The following KAT7 variants were observed in gnomAD, a reference collection of about 807,000 sequenced individuals.
The protein encoded by KAT7 is histone acetyltransferase KAT7.
In KAT7, 10 loss-of-function variants were observed where a neutral mutation model predicts 82.1. The observed-to-expected ratio is 0.12, with a 90% CI of 0.08 to 0.21. The LOEUF (loss-of-function observed/expected upper bound fraction) is 0.21. Among genes scored for constraint, KAT7 ranks in the 10% least tolerant of loss-of-function variants. The pLI is 1.00. For missense variants in KAT7, 378 were observed against 760.9 expected, an observed-to-expected ratio of 0.50 and a Z score of 5.92; for synonymous variants, 250 against 262.5, an observed-to-expected ratio of 0.95 and a Z score of 0.46.
At chr17:49,795,145 T>C (rs558851898) in intron 2 of KAT7, among the ~76,000 whole-genome samples, 31 of 152,316 alleles carry the variant, frequency 2.0e-4, no homozygotes, top group African/African-American at 7.0e-4. Context: ...GAGAGGATTT[T>C]GACTGTTCTC....
rs200329412 is a variant in KAT7 at position 49,811,500 on chromosome 17, T to C, written c.778T>C (p.Tyr260His). Residue 260 changes from tyrosine (Y) to histidine (H), a missense_variant, in exon 7 of 15, where the codon TAT (tyrosine) becomes CAT (histidine). Physicochemically the swap from Tyr to His is moderately conservative, Grantham distance 83. This residue lies in a region of KAT7 where 102 missense variants were observed against 129.8 expected (regional missense o/e 0.79). Transcript: ENST00000259021. ...HQAPTERQLR[Y>H]KEKVAELRKK... The stretch of plus-strand genomic sequence containing the variant: ...GGCACCAACGGAGAGACAGCTTCGA[T>C]ATAAGGAAAAAGTGGCTGAACTCAG... 3.9e-6 allele frequency: 6 copies of C among 1,545,948 alleles called. No individual in the cohort carries two copies. Among genetic ancestry groups the C allele is most frequent in the Non-Finnish European group, 8.7e-7 (1 of 1,142,896 alleles).
At chr17:49,791,318 C>T (rs2073885618) in intron 1 of KAT7, among the ~76,000 whole-genome samples, 1 of 152,188 alleles carries the variant, frequency 6.6e-6, no homozygotes, top group Non-Finnish European at 1.5e-5. Flanking sequence ...TGATATTGAT[C>T]TCCAAATGGT....
intron 6 of KAT7, among the ~76,000 whole-genome samples, chr17:49,811,199 C>T (rs1257204181): frequency 1.3e-5 from 2 of 151,742 alleles, no homozygotes; most frequent in African/African-American, 4.8e-5. Flanking sequence ...CTCTGCCTCC[C>T]AGGTTCAGGT....
chr17:49,822,255 TCTCA>T (rs1274119155), intron 11 of KAT7, among the ~76,000 whole-genome samples: 5 of 151,230 alleles, frequency 3.3e-5, no homozygotes, highest in African/African-American at 1.2e-4. Flanking sequence ...TCTGACAGAG[TCTCA>T]CTCTGTTGCC....
chr17:49,816,687 G>A (rs2074239097), intron 8 of KAT7, among the ~76,000 whole-genome samples: 2 of 152,112 alleles, frequency 1.3e-5, no homozygotes, highest in Non-Finnish European at 2.9e-5. Flanking sequence ...ACTGCTGCTG[G>A]TTTTCTCTAT....
At chr17:49,812,589 A>T (rs1436331677) in intron 7 of KAT7, among the ~76,000 whole-genome samples, 1 of 152,182 alleles carries the variant, frequency 6.6e-6, no homozygotes, top group African/African-American at 2.4e-5. Flanking sequence ...ACTACTGAAA[A>T]TACCAAAAAT....
intron 1 of KAT7, 115 bp downstream of exon 1, chr17:49,788,964 T>C (rs1230740827): frequency 2.1e-6 from 2 of 971,236 alleles, no homozygotes; most frequent in East Asian, 6.2e-5. Flanking sequence ...CCCCCGAACC[T>C]TGTTCAGCTA....
chr17:49,828,745 T>G lies in KAT7; in HGVS notation c.*1243T>G, dbSNP rs1394307446. 1 of 153,194 alleles carries G rather than the reference T, an allele frequency of 6.5e-6. No homozygotes were observed. Among genetic ancestry groups the G allele is most frequent in the African/African-American group, 2.4e-5 (1 of 41,462 alleles). 9.5% of individuals were successfully genotyped at this position (153,194 alleles called of 1,614,324 possible). On this transcript the variant is annotated 3_prime_UTR_variant, in exon 15 of 15. Transcript: ENST00000259021. ...CTCTAGCCCATTATAACCTGCTATC[T>G]TGGGGCAACTTTTGATGTATGACAT...
chr17:49,791,495 T>C (rs956624872), intron 1 of KAT7, among the ~76,000 whole-genome samples: 1 of 152,108 alleles, frequency 6.6e-6, no homozygotes, highest in African/African-American at 2.4e-5. Context: ...CCGTCTCTAC[T>C]AAAAATACAA....
intron 2 of KAT7, among the ~76,000 whole-genome samples, chr17:49,792,801 G>T (rs1340128168): frequency 2.0e-5 from 3 of 152,116 alleles, no homozygotes; most frequent in Non-Finnish European, 4.4e-5. Context: ...GGTAGGTTAG[G>T]TGTATAGCGG....
intron 3 of KAT7, among the ~76,000 whole-genome samples, chr17:49,798,022 T>C (rs1371309893): frequency 2.0e-5 from 3 of 152,264 alleles, no homozygotes; most frequent in Admixed American, 6.5e-5. Context: ...GGGATAGTAA[T>C]GTTTTAAAAA....
intron 1 of KAT7, 117 bp downstream of exon 1, chr17:49,788,966 G>A (rs2073845342): frequency 1.0e-6 from 1 of 957,124 alleles, no homozygotes; most frequent in Non-Finnish European, 1.5e-6. Context: ...CCCGAACCTT[G>A]TTCAGCTACC....
At chr17:49,825,922 C>G in intron 12 of KAT7, 78 bp from the exon 13 acceptor site, 1 of 1,457,596 alleles carries the variant, frequency 6.9e-7, no homozygotes, top group Non-Finnish European at 9.3e-7. Context: ...AAACCTTCTT[C>G]CATGTTGGCA....
intron 8 of KAT7, among the ~76,000 whole-genome samples, chr17:49,816,914 C>T (rs2074241944): frequency 6.6e-6 from 1 of 151,930 alleles, no homozygotes; most frequent in African/African-American, 2.4e-5. Flanking sequence ...AGTGCTCAAG[C>T]GATTCTCCCA....
At chr17:49,821,461 GT>G (rs771430978) in intron 10 of KAT7, 35 bp downstream of exon 10, 1 of 1,578,108 alleles carries the variant, frequency 6.3e-7, no homozygotes, top group South Asian at 1.1e-5. Context: ...GAGTTGAAAT[GT>G]TGTATATTCA....
rs552147161 is a variant in KAT7, at chr17:49,827,493, G to C, written c.1827G>C (p.Lys609Asn). Residue 609 changes from lysine to asparagine, a missense_variant, in exon 15 of 15, where the codon AAG (lysine) becomes AAC (asparagine). Around this residue, in one of 6 missense-constraint regions of KAT7, gnomAD observed 44 missense variants for 102.2 expected, o/e 0.43. Coordinates refer to ENST00000259021, the MANE Select transcript of KAT7 (RefSeq NM_007067.5). ...GCTGCTTAAAATGGACCCCTCCCAAGGGCACTTAAAGTGACCTGTCATTCC... is the reference window on the plus strand; with the variant it reads ...GCTGCTTAAAATGGACCCCTCCCAACGGCACTTAAAGTGACCTGTCATTCC... ...DPSCLKWTPP[K>N]GT 62 of 1,607,738 alleles carry C rather than the reference G, an allele frequency of 3.9e-5. No individual in the cohort carries two copies. Among genetic ancestry groups the C allele is most frequent in the Admixed American group, 2.5e-4 (15 of 60,010 alleles).
chr17:49,793,313 G>T (rs2073913518), intron 2 of KAT7, among the ~76,000 whole-genome samples: 1 of 152,138 alleles, frequency 6.6e-6, no homozygotes, highest in African/African-American at 2.4e-5. Flanking sequence ...TATCAGTGTG[G>T]AAATAATGGA....
Position 49,819,763 on chromosome 17 carries a change from G to A in KAT7, c.1156-1574G>A, listed in dbSNP as rs2074279169. ...TTCCTTTGGCTTGGCTTCTGTTTCT[G>A]AACAAATAATAATTGTTACATGAGT... is the stretch of plus-strand genomic sequence containing the variant. On this transcript the variant is annotated intron_variant, in intron 9 of 14. Coordinates refer to ENST00000259021, the MANE Select transcript of KAT7 (RefSeq NM_007067.5). 2.0e-5 allele frequency among the ~76,000 whole-genome samples: 3 copies of A among 152,218 alleles called. No individual in the cohort carries two copies. In the South Asian group the frequency reaches 6.2e-4, roughly 32 times the overall value.
chr17:49,813,645 T>C (rs2074198187), intron 7 of KAT7, among the ~76,000 whole-genome samples: 1 of 152,216 alleles, frequency 6.6e-6, no homozygotes, highest in African/African-American at 2.4e-5. Flanking sequence ...CTTGTCATTA[T>C]TTCTGAAATA....
Sources: gnomAD v4.1 joint callset for allele counts (sites outside exome capture counted in the v4.1 genomes callset) on GRCh38, gnomAD v4.1.1 for gene constraint, gnomAD v4.1.1 regional missense constraint, MANE v1.5 for transcripts, NCBI Gene and HGNC (gene_info 2026-07-23, HGNC 2026-07-21) for gene names.